The following GTF2E2 variants were observed in gnomAD, a reference collection of about 807,000 sequenced individuals.
The protein encoded by GTF2E2 is transcription initiation factor IIE subunit beta.
Under a neutral mutation model 40.5 loss-of-function variants are expected in GTF2E2, and 21 were observed. The observed-to-expected ratio is 0.52, with a 90% CI of 0.37 to 0.75. The LOEUF (loss-of-function observed/expected upper bound fraction) is 0.75. GTF2E2 is among the 30% of genes least tolerant of loss of function. The probability of loss-of-function intolerance (pLI) is 0.00; values close to 1 mark genes in which losing one functional copy is unlikely to be tolerated. For missense variants in GTF2E2, 298 were observed against 338.4 expected, an observed-to-expected ratio of 0.88 and a Z score of 0.94; for synonymous variants, 117 against 121.6, an observed-to-expected ratio of 0.96 and a Z score of 0.25.
rs145300520 is a variant in GTF2E2 at position 30,638,853 on chromosome 8, T to C, written c.167-3730A>G. Among the ~76,000 whole-genome samples the C allele has an allele frequency of 4.5e-4, 68 of 152,326 alleles. 1 individual carries two copies. The East Asian group carries it at 0.013, about 29-fold the overall frequency. ...AGCACCCTTACCATCTGTGCCTTAATGGAAAATTCATTACATTTTACATGA... is the reference window on the plus strand; with the variant it reads ...AGCACCCTTACCATCTGTGCCTTAACGGAAAATTCATTACATTTTACATGA... On this transcript the variant is annotated intron_variant, in intron 2 of 7. Coordinates refer to ENST00000355904, the MANE Select transcript of GTF2E2 (RefSeq NM_002095.6).
intron 6 of GTF2E2, among the ~76,000 whole-genome samples, chr8:30,588,571 G>A (rs1477869774): frequency 6.6e-6 from 1 of 152,216 alleles, no homozygotes; most frequent in Non-Finnish European, 1.5e-5. Flanking sequence ...GCTAGGAGAA[G>A]GGGAATGAGG....
At position 30,587,240 on chromosome 8, in the gene GTF2E2, G is replaced by A. The variant is rs117699261; in HGVS notation, c.644-6844C>T. Reference sequence around the variant, plus strand: ...AGCCTGGGCAATATAGTGAGACCTCGTCTCTACAAAAAATGTTTTAAGATT... The same window carrying A: ...AGCCTGGGCAATATAGTGAGACCTCATCTCTACAAAAAATGTTTTAAGATT... On this transcript the variant is annotated intron_variant, in intron 6 of 7. Transcript: ENST00000355904. Among the ~76,000 whole-genome samples the A allele has an allele frequency of 3.3e-5, 5 of 151,290 alleles. No individual in the cohort carries two copies. The East Asian group carries it at 5.9e-4, about 18-fold the overall frequency.
chr8:30,643,746 C>T (rs1022670525), intron 2 of GTF2E2: 10 of 150,654 alleles, frequency 6.6e-5, no homozygotes, highest in African/African-American at 2.4e-4. Flanking sequence ...AAGATTTCTT[C>T]AGAGAGTAAT....
chr8:30,589,516 G>A (rs1004290661), intron 6 of GTF2E2, among the ~76,000 whole-genome samples: 1 of 152,206 alleles, frequency 6.6e-6, no homozygotes, highest in Non-Finnish European at 1.5e-5. Flanking sequence ...ACCTATGACT[G>A]TGCCATTACA....
intron 6 of GTF2E2, among the ~76,000 whole-genome samples, chr8:30,587,954 C>A (rs1285446929): frequency 6.7e-6 from 1 of 148,588 alleles, no homozygotes; most frequent in Non-Finnish European, 1.5e-5. Context: ...AAATACAAAT[C>A]AAAACCACAA....
At chr8:30,617,381 C>T (rs1800952468) in intron 3 of GTF2E2, among the ~76,000 whole-genome samples, 1 of 152,130 alleles carries the variant, frequency 6.6e-6, no homozygotes, top group Non-Finnish European at 1.5e-5. Context: ...CAATAAAATG[C>T]AAACTACTTC....
chr8:30,631,833 C>T (rs2979497), intron 3 of GTF2E2, among the ~76,000 whole-genome samples: 4,657 of 152,286 alleles, frequency 0.031, 101 homozygotes, highest in African/African-American at 0.048. Context: ...TAGTGGCTCA[C>T]GCCTGTAATC....
intron 2 of GTF2E2, among the ~76,000 whole-genome samples, chr8:30,652,776 A>G (rs1381653058): frequency 2.0e-5 from 3 of 152,236 alleles, no homozygotes; most frequent in Admixed American, 6.5e-5. Context: ...TACCAACACT[A>G]TTCAAAACAG....
In GTF2E2 at chr8:30,653,470, T is replaced by C. The variant is rs1404186907; in HGVS notation, c.129A>G (p.Val43=). The C allele has an allele frequency of 3.1e-6, 5 of 1,613,844 alleles. No homozygotes were observed. In the African/African-American group the frequency reaches 4.0e-5, roughly 13 times the overall value. Residue 43 remains valine (V), a synonymous_variant, in exon 2 of 8, where the codon GTA becomes GTG. Coordinates refer to ENST00000355904, the MANE Select transcript of GTF2E2 (RefSeq NM_002095.6). ...TAGAGCCTGACGATCCTCCATGTTC[T>C]ACCTTTGTTTTCTTCTTCTTTGACG... ...SSSSKKKKTK[V]EHGGSSGSKQ... is the part of the protein sequence containing the mutation.
chr8:30,637,616 C>T (rs1227485696), intron 2 of GTF2E2, among the ~76,000 whole-genome samples: 1 of 152,136 alleles, frequency 6.6e-6, no homozygotes, highest in Non-Finnish European at 1.5e-5. Flanking sequence ...CTCTGCCATT[C>T]GGGTTCAAGC....
At chr8:30,611,143 C>G (rs957531601) in intron 5 of GTF2E2, among the ~76,000 whole-genome samples, 2 of 152,154 alleles carry the variant, frequency 1.3e-5, no homozygotes, top group African/African-American at 4.8e-5. Flanking sequence ...ACAGAAGAGA[C>G]ATATCATATG....
intron 2 of GTF2E2, among the ~76,000 whole-genome samples, chr8:30,639,255 A>T (rs1429294101): frequency 6.6e-6 from 1 of 152,212 alleles, no homozygotes; most frequent in African/African-American, 2.4e-5. Flanking sequence ...GCATTATACT[A>T]CACTGAACAG....
intron 4 of GTF2E2, 36 bp from the exon 5 acceptor site, chr8:30,612,517 T>C: frequency 8.0e-7 from 1 of 1,254,570 alleles, no homozygotes; most frequent in Non-Finnish European, 1.1e-6. Context: ...TATTAACAAA[T>C]GGAACATAAA....
intron 3 of GTF2E2, among the ~76,000 whole-genome samples, chr8:30,617,331 T>C (rs1563490270): frequency 6.6e-6 from 1 of 152,172 alleles, no homozygotes; most frequent in Non-Finnish European, 1.5e-5. Context: ...AAATATTTAG[T>C]GGTAACTACT....
At chr8:30,654,498 G>A (rs1459047399) in intron 1 of GTF2E2, among the ~76,000 whole-genome samples, 1 of 151,926 alleles carries the variant, frequency 6.6e-6, no homozygotes, top group Non-Finnish European at 1.5e-5. Context: ...GAACTCCTGG[G>A]CTCAAGCAAT....
chr8:30,645,876 C>A, intron 2 of GTF2E2: 1 of 293,038 alleles, frequency 3.4e-6, no homozygotes, highest in Non-Finnish European at 6.3e-6. Flanking sequence ...TATTAAGCAG[C>A]AAAAGATAAG....
intron 3 of GTF2E2, among the ~76,000 whole-genome samples, chr8:30,624,081 T>C (rs1311659932): frequency 1.3e-4 from 20 of 152,146 alleles, no homozygotes; most frequent in Admixed American, 1.3e-3. Context: ...CATGAAGTCC[T>C]TGCCCATGCC....
intron 6 of GTF2E2, chr8:30,585,034 A>G (rs994471922): frequency 6.6e-6 from 1 of 152,186 alleles, no homozygotes; most frequent in African/African-American, 2.4e-5. Context: ...TAAAAATACA[A>G]AATTAGCCAG....
At chr8:30,599,034 T>C (rs1015983004) in intron 6 of GTF2E2, among the ~76,000 whole-genome samples, 11 of 152,212 alleles carry the variant, frequency 7.2e-5, no homozygotes, top group African/African-American at 2.4e-4. Context: ...ATACTCTTTA[T>C]GTTCTATGAG....
Sources: gnomAD v4.1 joint callset for allele counts (sites outside exome capture counted in the v4.1 genomes callset) on GRCh38, gnomAD v4.1.1 for gene constraint, MANE v1.5 for transcripts, NCBI Gene and HGNC (gene_info 2026-07-23, HGNC 2026-07-21) for gene names.